TSBP1: variants seen among roughly 807,000 people sequenced by gnomAD.
TSBP1 encodes testis-expressed basic protein 1.
TSBP1 carries 56 observed loss-of-function variants against 68.8 expected under a neutral mutation model. The observed-to-expected ratio is 0.81, with a 90% confidence interval of 0.66 to 1.02. The LOEUF is 1.02. Ranked by LOEUF, TSBP1 falls within the 50% of genes least tolerant of loss-of-function variation. TSBP1 has a pLI of 0.00. For missense variants in TSBP1, 502 were observed against 641.2 expected (o/e 0.78, Z 2.34); for synonymous variants, 171 against 208.7 (o/e 0.82, Z 1.56).
Position 32,315,472 on chromosome 6 carries a change from G to C in TSBP1, c.580+300C>G, listed in dbSNP as rs908105835. On this transcript the variant is annotated intron_variant, in intron 19 of 22. Coordinates refer to ENST00000612031, the Ensembl canonical transcript of TSBP1. This position sits in a 1 kb window ranked among gnomAD's most constrained non-coding sequence, Gnocchi z 5.4. ...AGCCACTTGGGAGGCTCAGGCAGGA[G>C]AATTGCTTGGACTCGGCAGGTGGAG... Among the ~76,000 whole-genome samples, 2 of 152,178 alleles carry C rather than the reference G, an allele frequency of 1.3e-5. No individual in the cohort carries two copies. The highest frequency in any genetic ancestry group is 4.8e-5 in the African/African-American group (2 of 41,432).
intron 9 of TSBP1, 74 bp from the exon 11 acceptor site, chr6:32,339,712 T>G (rs2127611309): frequency 1.5e-6 from 1 of 665,426 alleles, no homozygotes. Flanking sequence ...GACAATCCCA[T>G]TCCCTCCTCC....
At chr6:32,364,999 T>C (rs1773505104) in intron 6 of TSBP1, among the ~76,000 whole-genome samples, 1 of 151,438 alleles carries the variant, frequency 6.6e-6, no homozygotes, top group African/African-American at 2.4e-5. Context: ...GCTCAAGCAA[T>C]CCTCCCACCT....
In TSBP1 at chr6:32,335,406, A is replaced by G; in HGVS notation, c.472+31T>C. 6.6e-7 allele frequency: 1 copy of G among 1,506,878 alleles called. No individual in the cohort carries two copies. Among genetic ancestry groups the G allele is most frequent in the Non-Finnish European group, 8.9e-7 (1 of 1,128,386 alleles). The allele number at this position is 1,506,878 out of a possible 1,614,324, so 93.3% of individuals were successfully genotyped here. Reference sequence around the variant, plus strand: ...TTGATGTTCTAAGTAAAGTACTAAAAGGCATTATAATTGAGAATCAGATGA... The same window carrying G: ...TTGATGTTCTAAGTAAAGTACTAAAGGGCATTATAATTGAGAATCAGATGA... On this transcript the variant is annotated intron_variant, in intron 14 of 22. Coordinates refer to ENST00000612031, the Ensembl canonical transcript of TSBP1. The surrounding 1 kb of genome is among the most constrained non-coding windows in gnomAD (Gnocchi z 5.5).
At chr6:32,294,698 A>G (rs1172644437) in intron 22 of TSBP1, among the ~76,000 whole-genome samples, 2 of 152,194 alleles carry the variant, frequency 1.3e-5, no homozygotes, top group Non-Finnish European at 2.9e-5. Flanking sequence ...CTGAGTAGTC[A>G]GACTCCAGTG....
chr6:32,368,286 A>G (rs561348218), intron 3 of TSBP1, among the ~76,000 whole-genome samples: 1 of 152,286 alleles, frequency 6.6e-6, no homozygotes, highest in Non-Finnish European at 1.5e-5. Context: ...CAACTTTGGC[A>G]TCTCTCCAGA....
At chr6:32,326,473 A>G (rs530288905) in intron 16 of TSBP1, among the ~76,000 whole-genome samples, 1 of 152,320 alleles carries the variant, frequency 6.6e-6, no homozygotes, top group South Asian at 2.1e-4. Context: ...GCTAAATGTA[A>G]TAGTCTGATC....
At chr6:32,366,171 GTTA>G (rs1187871370) in exon 6 of TSBP1, 2 of 1,602,226 alleles carry the variant, frequency 1.2e-6, no homozygotes, top group East Asian at 4.5e-5. Context: ...ACTTACCTCG[GTTA>G]TCATATGAAG....
chr6:32,368,311 GTCT>G (rs1241236496), intron 3 of TSBP1, among the ~76,000 whole-genome samples: 1 of 152,186 alleles, frequency 6.6e-6, no homozygotes, highest in African/African-American at 2.4e-5. Flanking sequence ...TCCATGGAAA[GTCT>G]TCTTCAATTC....
At chr6:32,308,957 C>CTTTT (rs9279571) in intron 19 of TSBP1, among the ~76,000 whole-genome samples, 2 of 122,052 alleles carry the variant, frequency 1.6e-5, no homozygotes, top group Admixed American at 8.9e-5. Context: ...TTTCTTCCTG[C>CTTTT]TTTTTTTTTT....
At position 32,335,338 on chromosome 6, in the gene TSBP1, G is replaced by A; in HGVS notation, c.472+99C>T. Reference sequence around the variant, plus strand: ...AGATTATGAGGTGGCAGAAGGACTTGATCCTTGAGTCCTTGGGCATGAATA... The same window carrying A: ...AGATTATGAGGTGGCAGAAGGACTTAATCCTTGAGTCCTTGGGCATGAATA... On this transcript the variant is annotated intron_variant, in intron 14 of 22. Coordinates refer to ENST00000612031, the Ensembl canonical transcript of TSBP1. The surrounding 1 kb of genome is among the most constrained non-coding windows in gnomAD (Gnocchi z 5.5). 8.7e-7 allele frequency: 1 copy of A among 1,148,748 alleles called. No homozygotes were observed. Among genetic ancestry groups the A allele is most frequent in the Non-Finnish European group, 1.2e-6 (1 of 853,064 alleles). 71.2% of individuals were successfully genotyped at this position (1,148,748 alleles called of 1,614,324 possible).
chr6:32,344,745 G>C (rs1318104295), intron 9 of TSBP1, among the ~76,000 whole-genome samples: 1 of 152,066 alleles, frequency 6.6e-6, no homozygotes, highest in African/African-American at 2.4e-5. Context: ...CCGAGGCCCA[G>C]AATGACATGT....
intron 10 of TSBP1, 169 bp downstream of exon 11, chr6:32,339,431 T>C: frequency 1.4e-6 from 1 of 722,182 alleles, no homozygotes; most frequent in East Asian, 2.6e-5. Context: ...TCCATCTTTA[T>C]GTGCTTTCTC....
At chr6:32,368,867 T>C (rs1387990881) in intron 2 of TSBP1, 53 bp from the exon 3 acceptor site, 8 of 1,558,470 alleles carry the variant, frequency 5.1e-6, no homozygotes, top group Non-Finnish European at 6.1e-6. Context: ...AGAAGTGTTC[T>C]TCCTCTGATC....
At position 32,336,701 on chromosome 6, in the gene TSBP1, T is replaced by G; in HGVS notation, c.410-66A>C. On this transcript the variant is annotated intron_variant, in intron 11 of 22. Coordinates refer to ENST00000612031, the Ensembl canonical transcript of TSBP1. The surrounding 1 kb of genome is among the most constrained non-coding windows in gnomAD (Gnocchi z 5.2). ...AGAATTTTCATTTTACCAGTATTGT[T>G]TCTAAAGAAACTATGAAGCAATTCA... The G allele has an allele frequency of 6.8e-7, 1 of 1,468,004 alleles. No homozygotes were observed. Among genetic ancestry groups the G allele is most frequent in the South Asian group, 1.2e-5 (1 of 86,956 alleles). The allele number at this position is 1,468,004 out of a possible 1,614,324, so 90.9% of individuals were successfully genotyped here.
chr6:32,338,465 C>A lies in TSBP1; in HGVS notation c.409+514G>T, dbSNP rs1172787132. Among the ~76,000 whole-genome samples, 1 of 152,174 alleles carries A rather than the reference C, an allele frequency of 6.6e-6. No individual in the cohort carries two copies. The highest frequency in any genetic ancestry group is 1.5e-5 in the Non-Finnish European group (1 of 68,030). ...TTATTCCTTATTCTCTATTCCCAAC[C>A]AGTGCTTCTTCCAGAGATATATGCT... is the stretch of plus-strand genomic sequence containing the variant. On this transcript the variant is annotated intron_variant, in intron 11 of 22. Coordinates refer to ENST00000612031, the Ensembl canonical transcript of TSBP1. The surrounding 1 kb of genome is among the most constrained non-coding windows in gnomAD (Gnocchi z 5.5).
chr6:32,299,968 A>C, intron 21 of TSBP1, 32 bp from the exon 25 acceptor site: 1 of 1,596,556 alleles, frequency 6.3e-7, no homozygotes. Flanking sequence ...AAGATCAGTG[A>C]GGATTTTCTA....
rs1042501724 is a variant in TSBP1, at chr6:32,321,045, A to G, written c.559+2072T>C. Among the ~76,000 whole-genome samples the G allele has an allele frequency of 6.6e-6, 1 of 152,126 alleles. No homozygotes were observed. Among genetic ancestry groups the G allele is most frequent in the Non-Finnish European group, 1.5e-5 (1 of 68,028 alleles). On this transcript the variant is annotated intron_variant, in intron 18 of 22. Coordinates refer to ENST00000612031, the Ensembl canonical transcript of TSBP1. This position sits in a 1 kb window ranked among gnomAD's most constrained non-coding sequence, Gnocchi z 4.3. ...TCTTTTTTTGGCTGCGTAGTATTCCATGGTGTATATGTATCACATTTTCTT... is the reference window on the plus strand; with the variant it reads ...TCTTTTTTTGGCTGCGTAGTATTCCGTGGTGTATATGTATCACATTTTCTT...
intron 1 of TSBP1, among the ~76,000 whole-genome samples, chr6:32,371,130 G>A (rs1471517493): frequency 6.6e-6 from 1 of 151,990 alleles, no homozygotes; most frequent in Non-Finnish European, 1.5e-5. Flanking sequence ...TTCTACTAAT[G>A]TACCTCTAAA....
rs1039532001 is a variant in TSBP1, at chr6:32,304,157, A to G, written c.581-1528T>C. On this transcript the variant is annotated intron_variant, in intron 19 of 22. Coordinates refer to ENST00000612031, the Ensembl canonical transcript of TSBP1. The surrounding 1 kb of genome is among the most constrained non-coding windows in gnomAD (Gnocchi z 4.8). Reference sequence around the variant, plus strand: ...ACAAAGACAGGAAGAAGAAAGAAAGAAAGGAAGGAAGAAGAAAGAACGAGC... The same window carrying G: ...ACAAAGACAGGAAGAAGAAAGAAAGGAAGGAAGGAAGAAGAAAGAACGAGC... 6.6e-6 allele frequency among the ~76,000 whole-genome samples: 1 copy of G among 151,994 alleles called. No individual in the cohort carries two copies. The highest frequency in any genetic ancestry group is 1.5e-5 in the Non-Finnish European group (1 of 68,020).
Sources: allele counts gnomAD v4.1 joint callset (sites outside exome capture counted in the v4.1 genomes callset), GRCh38; gene constraint gnomAD v4.1.1; non-coding constraint Gnocchi (gnomAD v3.1); transcripts MANE v1.5; gene names NCBI Gene and HGNC (gene_info 2026-07-23, HGNC 2026-07-21).